The following ACTR6 variants were observed in gnomAD, a reference collection of about 807,000 sequenced individuals.
ACTR6 encodes actin related protein 6, also known as actin-related protein 6.
Under a neutral mutation model 52.5 loss-of-function variants are expected in ACTR6, and 50 were observed. That is an observed-to-expected ratio of 0.95 (90% CI 0.76 to 1.20). ACTR6 has a LOEUF of 1.20. Among genes scored for constraint, ACTR6 ranks in the 50% most tolerant of loss-of-function variants. The pLI is 0.00. For synonymous variants in ACTR6, 135 were observed against 147.2 expected, an observed-to-expected ratio of 0.92 and a Z score of 0.60; for missense variants, 344 against 472.4, an observed-to-expected ratio of 0.73 and a Z score of 2.52.
intron 4 of ACTR6, 95 bp from the exon 5 acceptor site, chr12:100,209,978 A>G: frequency 1.8e-6 from 2 of 1,092,616 alleles, no homozygotes; most frequent in South Asian, 3.4e-5. Flanking sequence ...TAAAGGGAAC[A>G]TTTTTGTCTT....
At chr12:100,223,591 G>A (rs1228995115) in intron 10 of ACTR6, among the ~76,000 whole-genome samples, 195 bp from the exon 11 acceptor site, 1 of 151,856 alleles carries the variant, frequency 6.6e-6, no homozygotes, top group Non-Finnish European at 1.5e-5. Flanking sequence ...TCCTTTTTGG[G>A]TTGCTCTACT....
rs559121899 is a variant in ACTR6 at position 100,220,823 on chromosome 12, C to T, written c.1061+677C>T. On this transcript the variant is annotated intron_variant, in intron 10 of 10. Coordinates refer to ENST00000188312, the MANE Select transcript of ACTR6 (RefSeq NM_022496.5). ...CAGCCTGGGCAACATGGTGAAGCCC[C>T]GTCTCTACAAAAAATTAGCCGGATG... 9.9e-5 allele frequency among the ~76,000 whole-genome samples: 15 copies of T among 151,964 alleles called. No homozygotes were observed. The South Asian group carries it at 1.5e-3, about 15-fold the overall frequency.
Position 100,224,345 on chromosome 12 carries a change from T to C in ACTR6, c.*430T>C, listed in dbSNP as rs1308962642. On this transcript the variant is annotated 3_prime_UTR_variant, in exon 11 of 11. Coordinates refer to ENST00000188312, the MANE Select transcript of ACTR6 (RefSeq NM_022496.5). ...TCTAAAGTTGGAAAGACTGATCTTATATGTGTATAATGTTTATTTTGTACC... is the reference window on the plus strand; with the variant it reads ...TCTAAAGTTGGAAAGACTGATCTTACATGTGTATAATGTTTATTTTGTACC... 6.4e-6 allele frequency: 1 copy of C among 155,836 alleles called. No individual in the cohort carries two copies. The highest frequency in any genetic ancestry group is 1.4e-5 in the Non-Finnish European group (1 of 70,884). 9.7% of individuals were successfully genotyped at this position (155,836 alleles called of 1,614,324 possible).
Position 100,218,588 on chromosome 12 carries a change from T to A in ACTR6, c.922+2T>A. 4.7e-6 allele frequency: 7 copies of A among 1,482,712 alleles called. No homozygotes were observed. Among genetic ancestry groups the A allele is most frequent in the Non-Finnish European group, 6.3e-6 (7 of 1,110,198 alleles). 91.8% of individuals were successfully genotyped at this position (1,482,712 alleles called of 1,614,324 possible). On this transcript the variant is annotated splice_donor_variant, in intron 9 of 10. Coordinates refer to ENST00000188312, the MANE Select transcript of ACTR6 (RefSeq NM_022496.5). LOFTEE classifies it high-confidence loss of function. The surrounding 1 kb of genome is among the most constrained non-coding windows in gnomAD (Gnocchi z 4.2). Reference sequence around the variant, plus strand: ...ATTCAATTCAAAATCTACCTGAAGGTACATAAATAGAGTAAAATACTAAAG... The same window carrying A: ...ATTCAATTCAAAATCTACCTGAAGGAACATAAATAGAGTAAAATACTAAAG...
intron 6 of ACTR6, among the ~76,000 whole-genome samples, chr12:100,210,709 C>G (rs986800107): frequency 4.0e-5 from 6 of 149,196 alleles, no homozygotes; most frequent in African/African-American, 1.5e-4. Context: ...CAAAGTGAGA[C>G]TCTCTCTCTC....
At chr12:100,211,655 G>T (rs1362107981) in intron 6 of ACTR6, among the ~76,000 whole-genome samples, 1 of 152,016 alleles carries the variant, frequency 6.6e-6, no homozygotes, top group Non-Finnish European at 1.5e-5. Context: ...TAAAGATACT[G>T]GTGGGAGAAT....
chr12:100,202,729 C>T (rs899769947), intron 1 of ACTR6, among the ~76,000 whole-genome samples: 1 of 151,558 alleles, frequency 6.6e-6, no homozygotes, highest in East Asian at 2.0e-4. Flanking sequence ...TAGTGGCAGG[C>T]GCCTGTAGTC....
At chr12:100,203,645 C>CTTTTTTTTT (rs1165148598) in intron 1 of ACTR6, 3 of 97,932 alleles carry the variant, frequency 3.1e-5, no homozygotes, top group African/African-American at 4.3e-5. Context: ...ACTTGTGAAT[C>CTTTTTTTTT]TTTTTTTTTT....
At chr12:100,209,955 A>AT (rs915363482) in intron 4 of ACTR6, 118 bp from the exon 5 acceptor site, 1 of 812,286 alleles carries the variant, frequency 1.2e-6, no homozygotes, top group Non-Finnish European at 1.9e-6. Flanking sequence ...ATAAATTAAC[A>AT]TTTTTCTTGT....
chr12:100,202,993 G>C (rs2096111146), intron 1 of ACTR6, among the ~76,000 whole-genome samples: 1 of 152,186 alleles, frequency 6.6e-6, no homozygotes, highest in Non-Finnish European at 1.5e-5. Flanking sequence ...CGATGGTTTT[G>C]AAATGAAACT....
intron 3 of ACTR6, among the ~76,000 whole-genome samples, chr12:100,206,450 C>A (rs1020125371): frequency 1.3e-5 from 2 of 152,144 alleles, no homozygotes; most frequent in African/African-American, 4.8e-5. Flanking sequence ...TGGATTCCAG[C>A]CTGGGTAAGA....
chr12:100,208,111 T>C (rs2096116496), intron 4 of ACTR6, among the ~76,000 whole-genome samples: 2 of 152,010 alleles, frequency 1.3e-5, no homozygotes, highest in African/African-American at 4.8e-5. Flanking sequence ...CAGTGAGCTA[T>C]GATCGTGCCA....
chr12:100,204,738 A>G (rs1324203301), intron 1 of ACTR6, among the ~76,000 whole-genome samples: 7 of 152,182 alleles, frequency 4.6e-5, no homozygotes, highest in Non-Finnish European at 1.5e-5. Flanking sequence ...GTCTCAAGCA[A>G]TCATCCTGCT....
At chr12:100,215,517 G>T (rs1355931292) in intron 8 of ACTR6, among the ~76,000 whole-genome samples, 1 of 152,124 alleles carries the variant, frequency 6.6e-6, no homozygotes, top group African/African-American at 2.4e-5. Context: ...ACACAATCTG[G>T]TTATGGACTG....
chr12:100,222,484 C>G (rs1276062408), intron 10 of ACTR6, among the ~76,000 whole-genome samples: 1 of 151,846 alleles, frequency 6.6e-6, no homozygotes, highest in Non-Finnish European at 1.5e-5. Flanking sequence ...TCTTGAACTC[C>G]TGGGCTCAAG....
chr12:100,219,906 C>A, intron 9 of ACTR6, 102 bp from the exon 10 acceptor site: 1 of 1,204,192 alleles, frequency 8.3e-7, no homozygotes, highest in South Asian at 1.5e-5. Flanking sequence ...AACTGTAATC[C>A]CTAATTGCTT....
chr12:100,216,365 C>A, intron 8 of ACTR6, among the ~76,000 whole-genome samples: 1 of 152,352 alleles, frequency 6.6e-6, no homozygotes, highest in East Asian at 1.9e-4. Context: ...CCACGCTCAT[C>A]TATGTTGCCC....
At chr12:100,220,750 T>A (rs1450390319) in intron 10 of ACTR6, among the ~76,000 whole-genome samples, 1 of 152,094 alleles carries the variant, frequency 6.6e-6, no homozygotes, top group Non-Finnish European at 1.5e-5. Context: ...ATCCCAGCAC[T>A]TTGGGAGGCT....
chr12:100,223,624 C>CATT (rs1332325717), intron 10 of ACTR6, among the ~76,000 whole-genome samples, 162 bp from the exon 11 acceptor site: 1 of 152,154 alleles, frequency 6.6e-6, no homozygotes, highest in Non-Finnish European at 1.5e-5. Context: ...ATGCTTATTT[C>CATT]TGTACCTTAA....
Sources: gnomAD v4.1 joint callset for allele counts (sites outside exome capture counted in the v4.1 genomes callset) on GRCh38, gnomAD v4.1.1 for gene constraint, Gnocchi (gnomAD v3.1) non-coding constraint, MANE v1.5 for transcripts, NCBI Gene and HGNC (gene_info 2026-07-23, HGNC 2026-07-21) for gene names.